Variants in ROBO2 observed in about 807,000 individuals in gnomAD.
The protein encoded by ROBO2 is roundabout guidance receptor 2.
Under a neutral mutation model 160.8 loss-of-function variants are expected in ROBO2, and 53 were observed. The ratio of observed to expected loss-of-function variants is 0.33; its 90% confidence interval spans 0.26 to 0.41. The LOEUF (loss-of-function observed/expected upper bound fraction) is 0.41. ROBO2 is among the 10% of genes least tolerant of loss of function. The pLI is 1.00. For synonymous variants in ROBO2, 664 were observed against 611.7 expected (o/e 1.09, Z -1.26); for missense variants, 1,577 against 1,722.4 (o/e 0.92, Z 1.49).
At chr3:76,686,525 C>G (rs1419663584) in intron 2 of ROBO2, among the ~76,000 whole-genome samples, 1 of 148,586 alleles carries the variant, frequency 6.7e-6, no homozygotes, top group Non-Finnish European at 1.5e-5. Flanking sequence ...AATAAATATA[C>G]CAGTTTTTAA....
intron 2 of ROBO2, among the ~76,000 whole-genome samples, chr3:76,216,090 C>T (rs1002765567): frequency 1.3e-5 from 2 of 152,160 alleles, no homozygotes; most frequent in East Asian, 1.9e-4. Context: ...AAATAAAATA[C>T]TTTACAGACA....
chr3:76,102,438 C>T (rs2069736196), intron 2 of ROBO2, among the ~76,000 whole-genome samples: 1 of 152,118 alleles, frequency 6.6e-6, no homozygotes, highest in East Asian at 1.9e-4. Context: ...TGTACTTGAA[C>T]TTTGATAAAA....
chr3:76,445,855 A>G (rs1462701638), intron 2 of ROBO2, among the ~76,000 whole-genome samples: 1 of 151,984 alleles, frequency 6.6e-6, no homozygotes, highest in Admixed American at 6.6e-5. Context: ...CATGCTAAAA[A>G]CTCTCAATAA....
intron 2 of ROBO2, among the ~76,000 whole-genome samples, chr3:76,322,516 C>T (rs1308974836): frequency 6.6e-6 from 1 of 151,952 alleles, no homozygotes; most frequent in East Asian, 1.9e-4. Context: ...CTTATGTATA[C>T]ATAAAAGTAT....
At chr3:77,396,504 C>A (rs2075296955) in intron 2 of ROBO2, among the ~76,000 whole-genome samples, 2 of 152,244 alleles carry the variant, frequency 1.3e-5, no homozygotes, top group South Asian at 2.1e-4. Flanking sequence ...TGACCATCAG[C>A]AACTGAGGAC....
intron 2 of ROBO2, among the ~76,000 whole-genome samples, chr3:76,777,066 G>T (rs1463281800): frequency 6.6e-6 from 1 of 150,988 alleles, no homozygotes. Context: ...AATGAAGTTT[G>T]ATTGTTTTAA....
At chr3:76,850,495 T>C (rs562651529) in intron 2 of ROBO2, among the ~76,000 whole-genome samples, 1 of 152,250 alleles carries the variant, frequency 6.6e-6, no homozygotes, top group South Asian at 2.1e-4. Context: ...ACTTGAAACA[T>C]TCTCCCAGTC....
At chr3:77,017,865 A>G (rs866377646) in intron 2 of ROBO2, among the ~76,000 whole-genome samples, 2 of 151,814 alleles carry the variant, frequency 1.3e-5, no homozygotes, top group African/African-American at 4.8e-5. Flanking sequence ...TTTATGCCTG[A>G]GGTGGTAATT....
At chr3:77,626,308 T>C (rs187339648) in intron 23 of ROBO2, among the ~76,000 whole-genome samples, 162 of 152,334 alleles carry the variant, frequency 1.1e-3, no homozygotes, top group Non-Finnish European at 1.6e-3. Flanking sequence ...TTTTTTCACA[T>C]TCAGTTCTAT....
intron 1 of ROBO2, among the ~76,000 whole-genome samples, chr3:77,054,149 T>C (rs750484429): frequency 3.6e-4 from 55 of 152,194 alleles, no homozygotes; most frequent in South Asian, 1.4e-3. Flanking sequence ...GGATTTTCCA[T>C]TGGAAAGTTC....
chr3:76,035,353 A>G (rs1323049915), intron 2 of ROBO2, among the ~76,000 whole-genome samples: 5 of 151,996 alleles, frequency 3.3e-5, no homozygotes, highest in African/African-American at 9.7e-5. Context: ...AGACAGATGC[A>G]TAAGTATTAT....
chr3:76,873,909 C>T (rs761060238), intron 2 of ROBO2, among the ~76,000 whole-genome samples: 6 of 152,216 alleles, frequency 3.9e-5, no homozygotes, highest in Admixed American at 6.5e-5. Flanking sequence ...GACAAGGCCT[C>T]GGCCTCCTCC....
At chr3:76,228,676 A>T (rs1704439377) in intron 2 of ROBO2, among the ~76,000 whole-genome samples, 2 of 152,174 alleles carry the variant, frequency 1.3e-5, no homozygotes, top group South Asian at 4.1e-4. Context: ...TTATGTCAAC[A>T]TCTTAGCAAA....
chr3:77,138,799 C>T (rs2076477952), intron 2 of ROBO2, among the ~76,000 whole-genome samples: 1 of 152,014 alleles, frequency 6.6e-6, no homozygotes, highest in Admixed American at 6.6e-5. Context: ...GTGGAATAAA[C>T]AGGACAATTG....
At chr3:77,278,005 T>A (rs1015749482) in intron 2 of ROBO2, among the ~76,000 whole-genome samples, 2 of 152,174 alleles carry the variant, frequency 1.3e-5, no homozygotes, top group African/African-American at 2.4e-5. Context: ...CCATTCTGAC[T>A]GGCATGAGAT....
chr3:77,187,590 A>G (rs1560191746), intron 2 of ROBO2, among the ~76,000 whole-genome samples: 1 of 151,942 alleles, frequency 6.6e-6, no homozygotes, highest in African/African-American at 2.4e-5. Flanking sequence ...TCTGTGGATC[A>G]TCCTTACAGT....
intron 6 of ROBO2, among the ~76,000 whole-genome samples, chr3:77,526,625 C>T (rs1294365709): frequency 6.6e-6 from 1 of 151,448 alleles, no homozygotes. Context: ...GTATCTCTTA[C>T]AATTTATTTG....
At chr3:77,489,616 C>T (rs1303127379) in intron 4 of ROBO2, among the ~76,000 whole-genome samples, 1 of 152,118 alleles carries the variant, frequency 6.6e-6, no homozygotes, top group Non-Finnish European at 1.5e-5. Flanking sequence ...TCTGATGTAA[C>T]GTTTGCCATT....
chr3:76,898,354 TA>T (rs1333209163), intron 2 of ROBO2, among the ~76,000 whole-genome samples: 1 of 152,102 alleles, frequency 6.6e-6, no homozygotes, highest in Non-Finnish European at 1.5e-5. Flanking sequence ...TGTGATTCAA[TA>T]AATCCATCTA....
Sources: allele counts gnomAD v4.1 joint callset (sites outside exome capture counted in the v4.1 genomes callset), GRCh38; gene constraint gnomAD v4.1.1; transcripts MANE v1.5; gene names NCBI Gene and HGNC (gene_info 2026-07-23, HGNC 2026-07-21).